FAM117A: variants seen among roughly 807,000 people sequenced by gnomAD.
The protein encoded by FAM117A is protein FAM117A.
Under a neutral mutation model 44.1 loss-of-function variants are expected in FAM117A, and 21 were observed. That is an observed-to-expected ratio of 0.48 (90% CI 0.34 to 0.69). The LOEUF (loss-of-function observed/expected upper bound fraction) is 0.69. Among genes scored for constraint, FAM117A ranks in the 30% least tolerant of loss-of-function variants. The pLI, the probability that FAM117A is intolerant of heterozygous loss-of-function variation, is 0.01. For missense variants in FAM117A, 498 were observed against 589.9 expected (o/e 0.84, Z 1.61); for synonymous variants, 220 against 238.3 (o/e 0.92, Z 0.71).
At chr17:49,740,403 C>CCTGTAGTGGTGGCTAAAAAAATA (rs2073628942) in intron 1 of FAM117A, among the ~76,000 whole-genome samples, 1 of 152,114 alleles carries the variant, frequency 6.6e-6, no homozygotes, top group Non-Finnish European at 1.5e-5. Flanking sequence ...GCGCCCACCA[C>CCTGTAGTGGTGGCTAAAAAAATA]CGCGCCCGGC....
chr17:49,718,240 A>G (rs2073514542), intron 5 of FAM117A, among the ~76,000 whole-genome samples: 1 of 152,246 alleles, frequency 6.6e-6, no homozygotes, highest in Non-Finnish European at 1.5e-5. Context: ...GTGTTTGGGT[A>G]TATGTAAAAT....
At chr17:49,727,671 G>A (rs2073566073) in intron 2 of FAM117A, among the ~76,000 whole-genome samples, 1 of 152,112 alleles carries the variant, frequency 6.6e-6, no homozygotes, top group African/African-American at 2.4e-5. Context: ...TTCTCAAAGA[G>A]CCATCTAATA....
chr17:49,788,767 C>T (rs2073840873), upstream of FAM117A: 5 of 1,535,244 alleles, frequency 3.3e-6, no homozygotes, highest in Admixed American at 8.0e-5. Context: ...ACGGAGCCCG[C>T]CGGAGCCACC....
chr17:49,737,870 G>A (rs1008430175), intron 1 of FAM117A, among the ~76,000 whole-genome samples: 3 of 152,182 alleles, frequency 2.0e-5, no homozygotes, highest in African/African-American at 7.2e-5. Context: ...TCCTAAATCA[G>A]TCTTCCAACT....
chr17:49,733,960 G>A (rs2073598384), intron 1 of FAM117A, among the ~76,000 whole-genome samples: 1 of 151,640 alleles, frequency 6.6e-6, no homozygotes, highest in African/African-American at 2.4e-5. Context: ...AGCTAACACG[G>A]TGAAGCCGCG....
intron 2 of FAM117A, among the ~76,000 whole-genome samples, chr17:49,731,257 C>T (rs1019234099): frequency 6.6e-6 from 1 of 152,216 alleles, no homozygotes; most frequent in Non-Finnish European, 1.5e-5. Context: ...CAATGTCCCC[C>T]AGGGTGAAGG....
chr17:49,732,860 A>C (rs1176574051), intron 1 of FAM117A, 140 bp from the exon 2 acceptor site: 20 of 842,322 alleles, frequency 2.4e-5, no homozygotes, highest in Non-Finnish European at 3.7e-5. Context: ...AATTTGAAGC[A>C]GCCTGAAACA....
At chr17:49,723,064 T>C (rs982157042) in intron 2 of FAM117A, among the ~76,000 whole-genome samples, 1 of 152,118 alleles carries the variant, frequency 6.6e-6, no homozygotes, top group Admixed American at 6.5e-5. Context: ...AAGGGATTAT[T>C]AACTGGTAAA....
chr17:49,755,494 G>C (rs1225090306), intron 1 of FAM117A, among the ~76,000 whole-genome samples: 1 of 152,186 alleles, frequency 6.6e-6, no homozygotes, highest in Non-Finnish European at 1.5e-5. Flanking sequence ...AGGCAGTCTG[G>C]CTTTTTAACA....
In FAM117A at chr17:49,732,330, G is replaced by A. The variant is rs754362221; in HGVS notation, c.366+221C>T. 7.5e-4 allele frequency: 283 copies of A among 375,000 alleles called. 1 individual carries two copies. The highest frequency in any genetic ancestry group is 1.2e-3 in the Non-Finnish European group (247 of 201,788). The allele number at this position is 375,000 out of a possible 1,614,324, so 23.2% of individuals were successfully genotyped here. A position where few individuals can be genotyped will look rare whatever the true frequency, so the allele number is the denominator to read the frequency against. ...TGAGGCACGAGAATCACTTGAACCC[G>A]GGAGGCAGAGGTTGCAGTGAGCCAA... is the stretch of plus-strand genomic sequence containing the variant. On this transcript the variant is annotated intron_variant, in intron 2 of 7. Coordinates refer to ENST00000240364, the MANE Select transcript of FAM117A (RefSeq NM_030802.4).
intron 2 of FAM117A, among the ~76,000 whole-genome samples, chr17:49,732,011 C>A (rs1316383021): frequency 2.0e-5 from 3 of 152,304 alleles, no homozygotes; most frequent in African/African-American, 4.8e-5. Context: ...GTTTCAAACT[C>A]TTGACCTCAG....
intron 3 of FAM117A, among the ~76,000 whole-genome samples, chr17:49,722,014 G>A (rs2073537115): frequency 6.6e-6 from 1 of 152,092 alleles, no homozygotes; most frequent in African/African-American, 2.4e-5. Context: ...CAGGAGAATC[G>A]CTTGAACCCA....
intron 1 of FAM117A, among the ~76,000 whole-genome samples, chr17:49,740,461 G>A (rs909040267): frequency 6.6e-6 from 1 of 152,166 alleles, no homozygotes; most frequent in African/African-American, 2.4e-5. Flanking sequence ...GTGTTAGCCA[G>A]GATGGTCTTG....
At chr17:49,783,149 C>G (rs1387077791) in intron 1 of FAM117A, among the ~76,000 whole-genome samples, 1 of 152,222 alleles carries the variant, frequency 6.6e-6, no homozygotes, top group Admixed American at 6.5e-5. Context: ...TTAAAGAAAA[C>G]CCAATTACCA....
chr17:49,728,263 C>CA, intron 2 of FAM117A, among the ~76,000 whole-genome samples: 1 of 152,308 alleles, frequency 6.6e-6, no homozygotes, highest in East Asian at 1.9e-4. Flanking sequence ...AATTGTGTGT[C>CA]ATCACTGTTG....
At chr17:49,778,783 A>G (rs986299360) in intron 1 of FAM117A, among the ~76,000 whole-genome samples, 3 of 152,192 alleles carry the variant, frequency 2.0e-5, no homozygotes, top group Admixed American at 6.6e-5. Flanking sequence ...CCCTCATGGA[A>G]CTTACAGTCT....
At chr17:49,773,439 C>G (rs1195172739) in intron 1 of FAM117A, 1 of 150,336 alleles carries the variant, frequency 6.7e-6, no homozygotes, top group Non-Finnish European at 1.5e-5. Flanking sequence ...TGCACTCCAG[C>G]CTGGGCAGCA....
chr17:49,783,835 C>G (rs764853587), intron 1 of FAM117A, among the ~76,000 whole-genome samples: 11 of 152,186 alleles, frequency 7.2e-5, no homozygotes, highest in Non-Finnish European at 1.6e-4. Flanking sequence ...ATGCTTCCCC[C>G]ACCTTACAAG....
At chr17:49,733,947 C>A (rs1395047576) in intron 1 of FAM117A, among the ~76,000 whole-genome samples, 1 of 151,416 alleles carries the variant, frequency 6.6e-6, no homozygotes, top group Non-Finnish European at 1.5e-5. Flanking sequence ...TTGAGACTAT[C>A]CTAGCTAACA....
Sources: gnomAD v4.1 joint callset for allele counts (sites outside exome capture counted in the v4.1 genomes callset) on GRCh38, gnomAD v4.1.1 for gene constraint, MANE v1.5 for transcripts, NCBI Gene and HGNC (gene_info 2026-07-23, HGNC 2026-07-21) for gene names.